Variants in TTLL1 observed in about 807,000 individuals in gnomAD.
The protein encoded by TTLL1 is TTL family tubulin polyglutamylase complex subunit L1, also known as polyglutamylase complex subunit TTLL1.
Under a neutral mutation model 47.8 loss-of-function variants are expected in TTLL1, and 33 were observed. The observed-to-expected ratio is 0.69, with a 90% confidence interval of 0.52 to 0.92. The LOEUF is 0.92. Ranked by LOEUF, TTLL1 falls within the 40% of genes least tolerant of loss-of-function variation. The probability of loss-of-function intolerance (pLI) is 0.00; values close to 1 mark genes in which losing one functional copy is unlikely to be tolerated. For synonymous variants in TTLL1, 225 were observed against 214.1 expected (o/e 1.05, Z -0.45); for missense variants, 488 against 547.5 (o/e 0.89, Z 1.08).
At chr22:43,078,848 C>T (rs1928682273) in intron 2 of TTLL1, among the ~76,000 whole-genome samples, 1 of 151,440 alleles carries the variant, frequency 6.6e-6, no homozygotes, top group African/African-American at 2.4e-5. Flanking sequence ...CATCCCACAC[C>T]CCTCACACCC....
intron 2 of TTLL1, among the ~76,000 whole-genome samples, chr22:43,076,064 G>A (rs976150665): frequency 6.6e-6 from 1 of 152,204 alleles, no homozygotes; most frequent in Non-Finnish European, 1.5e-5. Context: ...GCCGACTTCC[G>A]ATGGGTGAGT....
At position 43,069,773 on chromosome 22, in the gene TTLL1, ACTATTTGGTCAT is replaced by A. The variant is rs1927993446; in HGVS notation, c.173_184del (p.Asp58_Ile61del). The A allele has an allele frequency of 6.2e-7, 1 of 1,614,040 alleles. No homozygotes were observed. Among genetic ancestry groups the A allele is most frequent in the Non-Finnish European group, 8.5e-7 (1 of 1,180,040 alleles). ...TTCATAGTGGTTTGGAAAATGGTTG[ACTATTTGGTCAT>A]CTGAGAGCCGATATCCAGCTTCAAC... On this transcript the variant is annotated inframe_deletion, in exon 4 of 11. Transcript: ENST00000266254.
chr22:43,059,370 C>T lies in TTLL1; in HGVS notation c.891+14G>A, dbSNP rs1180467314. The T allele has an allele frequency of 1.1e-5, 18 of 1,602,592 alleles. No homozygotes were observed. The highest frequency in any genetic ancestry group is 6.7e-5 in the African/African-American group (5 of 74,446). On this transcript the variant is annotated intron_variant, in intron 8 of 10. Coordinates refer to ENST00000266254, the MANE Select transcript of TTLL1 (RefSeq NM_012263.5). ...GGCCCTGGGAGCCGGCTCCCCCGCC[C>T]GCACCAAACTCACCGCCACAGCCTT... is the stretch of plus-strand genomic sequence containing the variant.
At chr22:43,072,799 G>C (rs371244176) in intron 3 of TTLL1, among the ~76,000 whole-genome samples, 1 of 152,018 alleles carries the variant, frequency 6.6e-6, no homozygotes, top group Non-Finnish European at 1.5e-5. Context: ...ATTTTTTTGA[G>C]ACAGGGTCTC....
intron 3 of TTLL1, among the ~76,000 whole-genome samples, chr22:43,072,314 CG>C (rs1009182154): frequency 1.3e-5 from 2 of 151,826 alleles, no homozygotes; most frequent in African/African-American, 2.4e-5. Flanking sequence ...CCACCACGCC[CG>C]GATAATTTTT....
At chr22:43,085,364 C>T (rs1929165075) in intron 1 of TTLL1, among the ~76,000 whole-genome samples, 1 of 152,202 alleles carries the variant, frequency 6.6e-6, no homozygotes, top group East Asian at 1.9e-4. Flanking sequence ...ATTATCGTCT[C>T]ATGTGATGCC....
intron 1 of TTLL1, among the ~76,000 whole-genome samples, chr22:43,085,925 C>T (rs546346443): frequency 1.3e-5 from 2 of 152,290 alleles, no homozygotes; most frequent in South Asian, 2.1e-4. Context: ...TGGGCTGACT[C>T]GTGTCTGTTC....
chr22:43,067,034 T>C (rs1365524635), intron 5 of TTLL1, among the ~76,000 whole-genome samples: 1 of 151,698 alleles, frequency 6.6e-6, no homozygotes, highest in Non-Finnish European at 1.5e-5. Flanking sequence ...AGAAGGTGTC[T>C]CCTGTCACCC....
chr22:43,060,935 C>T (rs1927350369), intron 7 of TTLL1, among the ~76,000 whole-genome samples: 1 of 152,168 alleles, frequency 6.6e-6, no homozygotes, highest in Non-Finnish European at 1.5e-5. Flanking sequence ...GTGGCTCACG[C>T]CTGTAATCCC....
chr22:43,063,302 C>G (rs905188554), intron 7 of TTLL1, among the ~76,000 whole-genome samples: 8 of 152,144 alleles, frequency 5.3e-5, no homozygotes, highest in African/African-American at 1.7e-4. Context: ...CCCCACCCAG[C>G]CACGGCATTC....
chr22:43,046,280 A>G (rs993778292), intron 10 of TTLL1, 130 bp downstream of exon 10: 12 of 958,898 alleles, frequency 1.3e-5, no homozygotes, highest in Admixed American at 4.4e-5. Context: ...CTATCCCATC[A>G]TGTCATTAGT....
At chr22:43,074,443 A>AAAAG (rs1044472358) in intron 3 of TTLL1, among the ~76,000 whole-genome samples, 4 of 150,782 alleles carry the variant, frequency 2.7e-5, no homozygotes, top group African/African-American at 9.8e-5. Context: ...AAAAAAAAAA[A>AAAAG]AAAGAAAGAA....
In TTLL1 at chr22:43,046,571, C is replaced by T; in HGVS notation, c.981G>A (p.Val327=). The change falls in exon 10 of 11, where the codon GTG becomes GTA. Residue 327 remains valine, a splice_region_variant and synonymous_variant. Coordinates refer to ENST00000266254, the MANE Select transcript of TTLL1 (RefSeq NM_012263.5). Reference sequence around the variant, plus strand: ...TGGACGTGAGAGACGGGGACGCATTCACCTGTGAGATGAAAGACCCATGTT... The same window carrying T: ...TGGACGTGAGAGACGGGGACGCATTTACCTGTGAGATGAAAGACCCATGTT... ...DDKLKPWLIE[V]NASPSLTSST... is the part of the protein sequence containing the mutation. 6.2e-7 allele frequency: 1 copy of T among 1,613,780 alleles called. No individual in the cohort carries two copies. The highest frequency in any genetic ancestry group is 2.2e-5 in the East Asian group (1 of 44,878).
intron 1 of TTLL1, among the ~76,000 whole-genome samples, chr22:43,088,159 A>G (rs1489695341): frequency 6.6e-6 from 1 of 151,776 alleles, no homozygotes; most frequent in East Asian, 1.9e-4. Flanking sequence ...AAATAAATAA[A>G]TAAATAAAGT....
chr22:43,044,717 C>T (rs984687506), intron 10 of TTLL1, among the ~76,000 whole-genome samples: 2 of 152,016 alleles, frequency 1.3e-5, no homozygotes, highest in South Asian at 2.1e-4. Flanking sequence ...CTCATGCATT[C>T]GCATGTAAGC....
intron 7 of TTLL1, among the ~76,000 whole-genome samples, chr22:43,062,509 G>T (rs1927453464): frequency 6.9e-6 from 1 of 145,142 alleles, no homozygotes; most frequent in Admixed American, 7.0e-5. Context: ...AAAAAGAAAA[G>T]AAAAGAAAAA....
At chr22:43,085,906 GCTCAGGAGTGGGCTGA>G (rs1423006908) in intron 1 of TTLL1, among the ~76,000 whole-genome samples, 1 of 152,152 alleles carries the variant, frequency 6.6e-6, no homozygotes, top group East Asian at 1.9e-4. Context: ...GAGCGGGCTG[GCTCAGGAGTGGGCTGA>G]CTCGTGTCTG....
At position 43,049,056 on chromosome 22, in the gene TTLL1, C is replaced by T. The variant is rs373129382; in HGVS notation, c.979-2483G>A. On this transcript the variant is annotated intron_variant, in intron 9 of 10. Transcript: ENST00000266254. ...CTATGTTCACTATTTGGGTGACGGG[C>T]TCAAGAGAAGCCCAAAGCCCAGCAT... Among the ~76,000 whole-genome samples the T allele has an allele frequency of 2.0e-5, 3 of 151,892 alleles. No homozygotes were observed. The South Asian group carries it at 6.2e-4, about 32-fold the overall frequency.
At chr22:43,078,619 A>T (rs1030242325) in intron 2 of TTLL1, among the ~76,000 whole-genome samples, 3 of 152,054 alleles carry the variant, frequency 2.0e-5, no homozygotes, top group African/African-American at 7.3e-5. Flanking sequence ...CTCTCTCCAC[A>T]CAGCCCATCA....
Sources: gnomAD v4.1 joint callset for allele counts (sites outside exome capture counted in the v4.1 genomes callset) on GRCh38, gnomAD v4.1.1 for gene constraint, MANE v1.5 for transcripts, NCBI Gene and HGNC (gene_info 2026-07-23, HGNC 2026-07-21) for gene names.